Variants in MAPK8 observed in about 807,000 individuals in gnomAD.
The protein encoded by MAPK8 is JUN N-terminal kinase.
In MAPK8, 13 loss-of-function variants were observed where a neutral mutation model predicts 52.9. The ratio of observed to expected loss-of-function variants is 0.25; its 90% CI spans 0.16 to 0.39. MAPK8 has a LOEUF of 0.39. MAPK8 is among the 10% of genes least tolerant of loss of function. The probability of loss-of-function intolerance (pLI) is 1.00; values close to 1 mark genes in which losing one functional copy is unlikely to be tolerated. For missense variants in MAPK8, 300 were observed against 519.2 expected (o/e 0.58, Z 4.10); for synonymous variants, 191 against 169.8 (o/e 1.12, Z -0.97).
At chr10:48,351,712 AAAAAG>A (rs1406692673) in intron 1 of MAPK8, among the ~76,000 whole-genome samples, 1 of 152,210 alleles carries the variant, frequency 6.6e-6, no homozygotes, top group African/African-American at 2.4e-5. Flanking sequence ...CTGACACAAA[AAAAAG>A]AAGACACAAA....
chr10:48,320,609 T>G (rs752008267), intron 1 of MAPK8, among the ~76,000 whole-genome samples: 15 of 152,174 alleles, frequency 9.9e-5, no homozygotes, highest in Non-Finnish European at 1.0e-4. Flanking sequence ...CTACACTTCA[T>G]TTGATGGGCA....
chr10:48,310,355 CAA>C (rs1841853861), intron 1 of MAPK8, among the ~76,000 whole-genome samples: 1 of 152,022 alleles, frequency 6.6e-6, no homozygotes, highest in South Asian at 2.1e-4. Flanking sequence ...GAACAGTAGT[CAA>C]AGTTAGGATT....
chr10:48,362,960 C>T (rs529929629), intron 1 of MAPK8, among the ~76,000 whole-genome samples: 2 of 152,062 alleles, frequency 1.3e-5, no homozygotes, highest in East Asian at 1.9e-4. Flanking sequence ...AGGCTGGTCT[C>T]GAACTCCTGA....
chr10:48,309,650 G>C (rs1171382925), intron 1 of MAPK8, among the ~76,000 whole-genome samples: 1 of 152,212 alleles, frequency 6.6e-6, no homozygotes, highest in South Asian at 2.1e-4. Context: ...GTTGTTAAAT[G>C]ACTAGTCCCC....
intron 1 of MAPK8, among the ~76,000 whole-genome samples, chr10:48,312,981 T>C (rs61840549): frequency 0.038 from 5,835 of 152,322 alleles, 120 homozygotes; most frequent in African/African-American, 0.047. Context: ...TGTTTAAGTA[T>C]ATAATCCTTT....
intron 1 of MAPK8, among the ~76,000 whole-genome samples, chr10:48,365,544 A>G (rs754807535): frequency 9.2e-5 from 14 of 152,172 alleles, no homozygotes; most frequent in Non-Finnish European, 1.5e-4. Flanking sequence ...CAGTACTATT[A>G]CCGCATTTAC....
chr10:48,314,720 T>C lies in MAPK8; in HGVS notation c.-50+7899T>C, dbSNP rs574706017. 1.6e-3 allele frequency among the ~76,000 whole-genome samples: 245 copies of C among 152,340 alleles called. 2 individuals carry two copies. The highest frequency in any genetic ancestry group is 2.7e-3 in the Non-Finnish European group (186 of 68,034). On this transcript the variant is annotated intron_variant, in intron 1 of 11. Coordinates refer to ENST00000374189, the MANE Select transcript of MAPK8 (RefSeq NM_001323329.2). ...TCATCTTTTAAGGGCTGTTTGTGTT[T>C]TCTTTCTTTTGAACTGTCCTTGTCT...
In MAPK8 at chr10:48,439,017, C is replaced by A. The variant is rs1372129187; in HGVS notation, c.*3988C>A. The A allele has an allele frequency of 1.3e-5, 2 of 152,138 alleles. No individual in the cohort carries two copies. Among genetic ancestry groups the A allele is most frequent in the African/African-American group, 4.8e-5 (2 of 41,420 alleles). 9.4% of individuals were successfully genotyped at this position (152,138 alleles called of 1,614,324 possible). A position where few individuals can be genotyped will look rare whatever the true frequency, so the allele number is the denominator to read the frequency against. ...AATGAAGTTAGACTGAATTACGTGT[C>A]TCCCTGGACTGTGACATCTATTTTC... On this transcript the variant is annotated 3_prime_UTR_variant, in exon 12 of 12. Transcript: ENST00000374189.
intron 1 of MAPK8, among the ~76,000 whole-genome samples, chr10:48,334,946 A>G (rs1246374396): frequency 6.6e-6 from 1 of 152,098 alleles, no homozygotes; most frequent in East Asian, 1.9e-4. Context: ...GACGTTGCCT[A>G]AGTTTCATTA....
At position 48,349,013 on chromosome 10, in the gene MAPK8, A is replaced by G. The variant is rs964097921; in HGVS notation, c.-50+42192A>G. On this transcript the variant is annotated intron_variant, in intron 1 of 11. Transcript: ENST00000374189. ...TGATAAAACAGACTTTAAACCAACA[A>G]AGATAAAAAGACAAAGAAGGGCATT... is the stretch of plus-strand genomic sequence containing the variant. Among the ~76,000 whole-genome samples, 77 of 152,150 alleles carry G rather than the reference A, an allele frequency of 5.1e-4. 1 individual carries two copies. Among genetic ancestry groups the G allele is most frequent in the African/African-American group, 1.8e-3 (74 of 41,442 alleles).
intron 10 of MAPK8, among the ~76,000 whole-genome samples, chr10:48,428,621 A>C (rs2043875199): frequency 6.6e-6 from 1 of 152,210 alleles, no homozygotes; most frequent in South Asian, 2.1e-4. Flanking sequence ...GCCCGTGATA[A>C]AGTTAGAAGA....
chr10:48,322,735 T>G (rs1843117468), intron 1 of MAPK8, among the ~76,000 whole-genome samples: 2 of 152,152 alleles, frequency 1.3e-5, no homozygotes, highest in African/African-American at 4.8e-5. Flanking sequence ...AGCCACGTCT[T>G]TGGAATTGGC....
intron 5 of MAPK8, among the ~76,000 whole-genome samples, chr10:48,416,822 C>G (rs2043089696): frequency 6.6e-6 from 1 of 152,138 alleles, no homozygotes; most frequent in African/African-American, 2.4e-5. Flanking sequence ...TCTATAGTAC[C>G]TGGCTCTACC....
intron 1 of MAPK8, among the ~76,000 whole-genome samples, chr10:48,354,832 T>A (rs1846704402): frequency 6.6e-6 from 1 of 152,056 alleles, no homozygotes; most frequent in Non-Finnish European, 1.5e-5. Flanking sequence ...AGATAATTTA[T>A]CCCCATAATG....
intron 1 of MAPK8, among the ~76,000 whole-genome samples, chr10:48,392,576 A>C (rs977084613): frequency 2.6e-5 from 4 of 151,966 alleles, no homozygotes; most frequent in Admixed American, 6.6e-5. Flanking sequence ...ATGGCCACAC[A>C]TGTGCTCTGG....
chr10:48,334,693 C>T (rs1366858631), intron 1 of MAPK8, among the ~76,000 whole-genome samples: 1 of 152,146 alleles, frequency 6.6e-6, no homozygotes, highest in Non-Finnish European at 1.5e-5. Flanking sequence ...TCTACGCAGG[C>T]ATAAAGATCC....
intron 5 of MAPK8, among the ~76,000 whole-genome samples, chr10:48,412,548 TG>T (rs1282893235): frequency 2.0e-5 from 3 of 152,246 alleles, no homozygotes; most frequent in Non-Finnish European, 4.4e-5. Flanking sequence ...ATATGCTTAA[TG>T]GTATGCCATG....
At chr10:48,382,296 C>T (rs970207421) in intron 1 of MAPK8, among the ~76,000 whole-genome samples, 1 of 151,962 alleles carries the variant, frequency 6.6e-6, no homozygotes, top group Non-Finnish European at 1.5e-5. Context: ...TTTATTTTAC[C>T]AACAATTAAA....
intron 1 of MAPK8, among the ~76,000 whole-genome samples, chr10:48,360,039 C>T (rs909571719): frequency 1.3e-5 from 2 of 152,084 alleles, no homozygotes; most frequent in South Asian, 2.1e-4. Context: ...TGGCAGCATG[C>T]ACCTGTAATC....
Sources: allele counts gnomAD v4.1 joint callset (sites outside exome capture counted in the v4.1 genomes callset), GRCh38; gene constraint gnomAD v4.1.1; transcripts MANE v1.5; gene names NCBI Gene and HGNC (gene_info 2026-07-23, HGNC 2026-07-21).